NXPE4: variants seen among roughly 807,000 people sequenced by gnomAD.
NXPE4 encodes the protein NXPE family member 4.
A neutral mutation model predicts 33.3 loss-of-function variants in NXPE4; 42 were observed. That is an observed-to-expected ratio of 1.26 (90% confidence interval 0.98 to 1.63). The LOEUF is 1.63. Ranked by LOEUF, NXPE4 falls within the 40% of genes most tolerant of loss-of-function variation. NXPE4 has a pLI of 0.00. For missense variants in NXPE4, 709 were observed against 647.6 expected, an observed-to-expected ratio of 1.09 and a Z score of -1.03; for synonymous variants, 253 against 234.9, an observed-to-expected ratio of 1.08 and a Z score of -0.71.
At chr11:114,643,994 T>C in the NXPE4 span, among the ~76,000 whole-genome samples, 1 of 152,154 alleles carries the variant, frequency 6.6e-6, no homozygotes, top group Non-Finnish European at 1.5e-5. Context: ...TTTTAAGTTG[T>C]ATTGCTAGGC....
the NXPE4 span, among the ~76,000 whole-genome samples, chr11:114,673,820 A>G: frequency 6.6e-6 from 1 of 151,814 alleles, no homozygotes; most frequent in African/African-American, 2.4e-5. Context: ...AGGAAGCCAC[A>G]TATCTCCCCA....
At chr11:114,673,122 G>A in the NXPE4 span, among the ~76,000 whole-genome samples, 12 of 148,908 alleles carry the variant, frequency 8.1e-5, no homozygotes, top group East Asian at 1.9e-4. Context: ...GAAATCATGC[G>A]AAGTATGCTC....
At chr11:114,621,231 C>T in the NXPE4 span, among the ~76,000 whole-genome samples, 2 of 152,136 alleles carry the variant, frequency 1.3e-5, no homozygotes, top group Admixed American at 6.5e-5. Context: ...TCATGGGTAA[C>T]CACAGTTACC....
chr11:114,618,159 C>T, the NXPE4 span, among the ~76,000 whole-genome samples: 7 of 151,900 alleles, frequency 4.6e-5, no homozygotes, highest in South Asian at 2.1e-4. Context: ...AGTATTGCCT[C>T]GTGGGTAACC....
At chr11:114,610,016 A>T in the NXPE4 span, among the ~76,000 whole-genome samples, 1 of 139,154 alleles carries the variant, frequency 7.2e-6, no homozygotes, top group East Asian at 2.4e-4. Context: ...TAGATAATAC[A>T]TGTTGCCTCG....
the NXPE4 span, among the ~76,000 whole-genome samples, chr11:114,607,113 A>C: frequency 2.6e-5 from 4 of 151,802 alleles, no homozygotes; most frequent in Non-Finnish European, 4.4e-5. Context: ...AACCACTGTT[A>C]CCCGGTTTAT....
the NXPE4 span, among the ~76,000 whole-genome samples, chr11:114,615,653 C>A: frequency 6.6e-6 from 1 of 151,540 alleles, no homozygotes; most frequent in Non-Finnish European, 1.5e-5. Flanking sequence ...TCTAGGGTAA[C>A]CACTGTTACC....
At chr11:114,643,774 GTTTTT>G in the NXPE4 span, among the ~76,000 whole-genome samples, 506 of 149,200 alleles carry the variant, frequency 3.4e-3, 1 homozygote, top group Non-Finnish European at 4.8e-3. Flanking sequence ...ACTTAAAGTA[GTTTTT>G]TTTTTAATAA....
At chr11:114,625,259 C>T in the NXPE4 span, among the ~76,000 whole-genome samples, 6 of 152,232 alleles carry the variant, frequency 3.9e-5, no homozygotes, top group East Asian at 1.2e-3. Flanking sequence ...CCACTGTTTC[C>T]CAGTGGGTAA....
At chr11:114,610,970 C>G in the NXPE4 span, among the ~76,000 whole-genome samples, 1 of 151,776 alleles carries the variant, frequency 6.6e-6, no homozygotes, top group African/African-American at 2.4e-5. Flanking sequence ...TAAGTGTTGC[C>G]TCGTGGGTAA....
chr11:114,675,202 T>G, the NXPE4 span, among the ~76,000 whole-genome samples: 1 of 151,906 alleles, frequency 6.6e-6, no homozygotes, highest in South Asian at 2.1e-4. Flanking sequence ...CCACAACTAA[T>G]ATCATACTCA....
the NXPE4 span, among the ~76,000 whole-genome samples, chr11:114,666,946 C>T: frequency 6.6e-6 from 1 of 152,168 alleles, no homozygotes; most frequent in African/African-American, 2.4e-5. Flanking sequence ...CACACATCCA[C>T]ACACATATGT....
the NXPE4 span, among the ~76,000 whole-genome samples, chr11:114,608,175 T>C: frequency 6.6e-6 from 1 of 151,442 alleles, no homozygotes; most frequent in East Asian, 2.0e-4. Context: ...ATAATAAGTA[T>C]TGCCTCGTGG....
chr11:114,608,149 CAG>C, the NXPE4 span, among the ~76,000 whole-genome samples: 1 of 151,740 alleles, frequency 6.6e-6, no homozygotes, highest in African/African-American at 2.4e-5. Context: ...CATGGGTAAC[CAG>C]AGTTACCCTG....
the NXPE4 span, among the ~76,000 whole-genome samples, chr11:114,624,753 A>G: frequency 6.6e-6 from 1 of 151,838 alleles, no homozygotes; most frequent in Non-Finnish European, 1.5e-5. Flanking sequence ...AACCACTGTT[A>G]CCCAGTGGAT....
intron 5 of NXPE4, among the ~76,000 whole-genome samples, chr11:114,571,797 C>T (rs1164421951): frequency 6.6e-6 from 1 of 152,150 alleles, no homozygotes; most frequent in Admixed American, 6.5e-5. Flanking sequence ...CAGAAGAATC[C>T]ATAGACCCTT....
At chr11:114,653,191 A>G in the NXPE4 span, among the ~76,000 whole-genome samples, 1 of 152,234 alleles carries the variant, frequency 6.6e-6, no homozygotes, top group East Asian at 1.9e-4. Context: ...GGTTTTTAAA[A>G]CAAAACATTT....
At chr11:114,622,321 C>T in the NXPE4 span, among the ~76,000 whole-genome samples, 2 of 151,984 alleles carry the variant, frequency 1.3e-5, no homozygotes, top group Non-Finnish European at 2.9e-5. Flanking sequence ...TGGGGAACCA[C>T]TGTTACCCAA....
At chr11:114,586,177 A>T (rs561844427) in intron 2 of NXPE4, among the ~76,000 whole-genome samples, 3 of 152,192 alleles carry the variant, frequency 2.0e-5, no homozygotes, top group African/African-American at 4.8e-5. Flanking sequence ...GGACCAAAAG[A>T]CCCACTTAAA....
Sources: allele counts gnomAD v4.1 joint callset (sites outside exome capture counted in the v4.1 genomes callset), GRCh38; gene constraint gnomAD v4.1.1; transcripts MANE v1.5; gene names NCBI Gene and HGNC (gene_info 2026-07-23, HGNC 2026-07-21).